The following PTPRG variants were observed in gnomAD, a reference collection of about 807,000 sequenced individuals.
PTPRG encodes protein tyrosine phosphatase receptor type G, also known as receptor-type tyrosine-protein phosphatase gamma.
PTPRG carries 102 observed loss-of-function variants against 165.3 expected under a neutral mutation model. That is an observed-to-expected ratio of 0.62 (90% CI 0.53 to 0.73). PTPRG has a LOEUF of 0.73. Ranked by LOEUF, PTPRG falls within the 30% of genes least tolerant of loss-of-function variation. PTPRG has a pLI of 0.00. For synonymous variants in PTPRG, 675 were observed against 669.5 expected, an observed-to-expected ratio of 1.01 and a Z score of -0.13; for missense variants, 1,866 against 1,861.4, an observed-to-expected ratio of 1.00 and a Z score of -0.05.
chr3:62,219,135 GTT>G lies in PTPRG; in HGVS notation c.2288+153_2288+154del. 1 of 1,065,496 alleles carries G rather than the reference GTT, an allele frequency of 9.4e-7. No individual in the cohort carries two copies. The highest frequency in any genetic ancestry group is 1.3e-6 in the Non-Finnish European group (1 of 743,352). 66.0% of individuals were successfully genotyped at this position (1,065,496 alleles called of 1,614,324 possible). A position where few individuals can be genotyped will look rare whatever the true frequency, so the allele number is the denominator to read the frequency against. Reference sequence around the variant, plus strand: ...CCACCCGGAAGGCCATCTTGTCTCTGTTAGATGATGGCAGGGCCAGATCCACT... The same window carrying G: ...CCACCCGGAAGGCCATCTTGTCTCTGAGATGATGGCAGGGCCAGATCCACT... On this transcript the variant is annotated intron_variant, in intron 13 of 29. Transcript: ENST00000474889. This position sits in a 1 kb window ranked among gnomAD's most constrained non-coding sequence, Gnocchi z 4.5.
intron 1 of PTPRG, among the ~76,000 whole-genome samples, chr3:61,632,416 G>C (rs1444270475): frequency 6.6e-6 from 1 of 152,198 alleles, no homozygotes; most frequent in Non-Finnish European, 1.5e-5. Flanking sequence ...TATGAAAGCA[G>C]GTTGACAGAT....
chr3:61,723,881 C>A (rs1179928574), intron 1 of PTPRG, among the ~76,000 whole-genome samples: 3 of 152,194 alleles, frequency 2.0e-5, no homozygotes, highest in African/African-American at 7.2e-5. Context: ...CTTTCCTCTA[C>A]TATCTCCAAA....
intron 1 of PTPRG, among the ~76,000 whole-genome samples, chr3:61,629,364 A>G (rs947292509): frequency 2.6e-5 from 4 of 152,086 alleles, no homozygotes; most frequent in Non-Finnish European, 5.9e-5. Context: ...CATGTTGGCC[A>G]GGCTGGTCTT....
chr3:62,016,865 C>T (rs2041557673), intron 4 of PTPRG, among the ~76,000 whole-genome samples: 1 of 152,212 alleles, frequency 6.6e-6, no homozygotes, highest in South Asian at 2.1e-4. Context: ...CTGATTATCC[C>T]TCACTCCTTT....
intron 14 of PTPRG, among the ~76,000 whole-genome samples, chr3:62,236,075 G>A (rs530792533): frequency 6.6e-6 from 1 of 152,350 alleles, no homozygotes; most frequent in African/African-American, 2.4e-5. Flanking sequence ...TTCCGGAAGA[G>A]ATACTACAAG....
At chr3:62,270,123 G>A (rs1168852068) in intron 20 of PTPRG, among the ~76,000 whole-genome samples, 3 of 151,980 alleles carry the variant, frequency 2.0e-5, no homozygotes, top group African/African-American at 4.8e-5. Context: ...GTAAATAGAC[G>A]CTCATTAAAA....
At chr3:61,643,542 G>A (rs1702120974) in intron 1 of PTPRG, among the ~76,000 whole-genome samples, 2 of 152,284 alleles carry the variant, frequency 1.3e-5, no homozygotes, top group South Asian at 4.1e-4. Context: ...CACTTTGGGA[G>A]GCCGAGGCGG....
chr3:62,050,725 C>CA (rs1455355519), intron 4 of PTPRG, among the ~76,000 whole-genome samples: 5 of 152,230 alleles, frequency 3.3e-5, no homozygotes, highest in Admixed American at 3.3e-4. Context: ...CCAGAGGTAT[C>CA]ATTGGTTTCT....
At chr3:61,691,848 A>C (rs755019568) in intron 1 of PTPRG, among the ~76,000 whole-genome samples, 7 of 149,036 alleles carry the variant, frequency 4.7e-5, no homozygotes, top group African/African-American at 1.2e-4. Context: ...TGAGAGGCAC[A>C]GTATAATCAT....
chr3:61,995,893 T>G (rs1308629), intron 3 of PTPRG, among the ~76,000 whole-genome samples: 1 of 151,852 alleles, frequency 6.6e-6, no homozygotes, highest in Non-Finnish European at 1.5e-5. Flanking sequence ...GATATGTCTT[T>G]CTCTACGGAT....
intron 1 of PTPRG, among the ~76,000 whole-genome samples, chr3:61,674,219 A>G (rs1703138396): frequency 6.6e-6 from 1 of 152,048 alleles, no homozygotes; most frequent in African/African-American, 2.4e-5. Context: ...GCATGAGAAA[A>G]GCCTATTGAA....
chr3:62,246,972 G>C (rs2106959945), intron 15 of PTPRG, among the ~76,000 whole-genome samples: 1 of 152,204 alleles, frequency 6.6e-6, no homozygotes, highest in South Asian at 2.1e-4. Context: ...GCAGGGTGAA[G>C]TTGAAAATTC....
chr3:61,739,607 CA>C (rs1299470249), intron 1 of PTPRG, among the ~76,000 whole-genome samples: 2 of 152,176 alleles, frequency 1.3e-5, no homozygotes, highest in African/African-American at 4.8e-5. Flanking sequence ...ATGTAAGTAA[CA>C]TACCTTTTCT....
In PTPRG at chr3:61,832,402, T is replaced by C. The variant is rs141622601; in HGVS notation, c.190+83420T>C. Among the ~76,000 whole-genome samples the C allele has an allele frequency of 2.6e-3, 397 of 152,320 alleles. 2 individuals are homozygous for C. The highest frequency in any genetic ancestry group is 8.9e-3 in the African/African-American group (369 of 41,578). On this transcript the variant is annotated intron_variant, in intron 2 of 29. Transcript: ENST00000474889. ...CCCTATGAGATAGGTACTGTGATCA[T>C]CTTCAGAACAGAGTTTTGGAGCATA...
chr3:62,199,288 C>G (rs568138548), intron 10 of PTPRG, among the ~76,000 whole-genome samples: 1 of 152,300 alleles, frequency 6.6e-6, no homozygotes, highest in East Asian at 1.9e-4. Context: ...GGGACCTACA[C>G]ACGTTTGACT....
intron 2 of PTPRG, among the ~76,000 whole-genome samples, chr3:61,785,939 A>G (rs896246757): frequency 2.6e-5 from 4 of 152,002 alleles, no homozygotes; most frequent in Admixed American, 6.6e-5. Context: ...GGATTCCTAT[A>G]CTTCCCTGGG....
chr3:61,979,967 T>C lies in PTPRG; in HGVS notation c.191-9658T>C, dbSNP rs547178792. ...TCCTCTCAGCCTTTATGTCAGTGGG[T>C]AGGTATACAGACCCTCAGCCCTCCT... is the stretch of plus-strand genomic sequence containing the variant. On this transcript the variant is annotated intron_variant, in intron 2 of 29. Coordinates refer to ENST00000474889, the MANE Select transcript of PTPRG (RefSeq NM_002841.4). Among the ~76,000 whole-genome samples, 331 of 151,924 alleles carry C rather than the reference T, an allele frequency of 2.2e-3. 2 individuals are homozygous for C. Among genetic ancestry groups the C allele is most frequent in the African/African-American group, 7.7e-3 (320 of 41,408 alleles).
chr3:61,606,234 T>C lies in PTPRG; in HGVS notation c.85+43862T>C, dbSNP rs542828300. ...GTTGTTAGCAGAACGTAGCGCTTCA[T>C]GTTTGTAGGACTGAGGCCTCAGCTC... On this transcript the variant is annotated intron_variant, in intron 1 of 29. Coordinates refer to ENST00000474889, the MANE Select transcript of PTPRG (RefSeq NM_002841.4). Among the ~76,000 whole-genome samples the C allele has an allele frequency of 2.6e-5, 4 of 152,270 alleles. No individual in the cohort carries two copies. In the South Asian group the frequency reaches 8.3e-4, roughly 32 times the overall value.
chr3:61,625,014 C>A (rs1701568731), intron 1 of PTPRG, among the ~76,000 whole-genome samples: 1 of 151,918 alleles, frequency 6.6e-6, no homozygotes, highest in African/African-American at 2.4e-5. Context: ...TCGTGGATGG[C>A]TGTCTTCTGC....
Sources: gnomAD v4.1 joint callset for allele counts (sites outside exome capture counted in the v4.1 genomes callset) on GRCh38, gnomAD v4.1.1 for gene constraint, Gnocchi (gnomAD v3.1) non-coding constraint, MANE v1.5 for transcripts, NCBI Gene and HGNC (gene_info 2026-07-23, HGNC 2026-07-21) for gene names.